The following ANK2 variants were observed in gnomAD, a reference collection of about 807,000 sequenced individuals.
ANK2 encodes ankyrin 2, also known as ankyrin-2.
A neutral mutation model predicts 360.5 loss-of-function variants in ANK2; 83 were observed. That is an observed-to-expected ratio of 0.23 (90% CI 0.19 to 0.28). ANK2 has a LOEUF of 0.28. ANK2 is among the 10% of genes least tolerant of loss of function. The pLI, the probability that ANK2 is intolerant of heterozygous loss-of-function variation, is 1.00. For synonymous variants in ANK2, 1,740 were observed against 1,759.5 expected, an observed-to-expected ratio of 0.99 and a Z score of 0.28; for missense variants, 4,201 against 4,795.7, an observed-to-expected ratio of 0.88 and a Z score of 3.66.
chr4:113,376,960 C>T (rs901573438), intron 45 of ANK2, among the ~76,000 whole-genome samples: 3 of 151,946 alleles, frequency 2.0e-5, no homozygotes, highest in Non-Finnish European at 2.9e-5. Context: ...GTTGTCATAT[C>T]CTAAGAAAAC....
chr4:113,352,747 G>T (rs1346928287), intron 37 of ANK2, among the ~76,000 whole-genome samples: 2 of 150,452 alleles, frequency 1.3e-5, no homozygotes, highest in Non-Finnish European at 3.0e-5. Flanking sequence ...GTGTTTTTTT[G>T]TGTGTGTATG....
At chr4:113,367,373 G>A (rs775764428) in intron 41 of ANK2, among the ~76,000 whole-genome samples, 193 bp from the exon 42 acceptor site, 3 of 151,976 alleles carry the variant, frequency 2.0e-5, no homozygotes, top group East Asian at 1.9e-4. Flanking sequence ...CGTTACTTGC[G>A]TGGACTCTTC....
chr4:112,740,040 T>G, the ANK2 span, among the ~76,000 whole-genome samples: 1 of 152,048 alleles, frequency 6.6e-6, no homozygotes. Flanking sequence ...AAATCTTTGT[T>G]GCAGGCGGGT....
chr4:113,226,501 G>T (rs2099224035), intron 4 of ANK2, among the ~76,000 whole-genome samples: 1 of 152,106 alleles, frequency 6.6e-6, no homozygotes, highest in Non-Finnish European at 1.5e-5. Context: ...TCCTTATCTA[G>T]TTGAATTATG....
At chr4:113,296,885 A>C (rs557109226) in intron 22 of ANK2, among the ~76,000 whole-genome samples, 2 of 152,284 alleles carry the variant, frequency 1.3e-5, no homozygotes, top group South Asian at 4.1e-4. Flanking sequence ...TATTTGTATA[A>C]TCTTAAAGTG....
At position 113,274,583 on chromosome 4, in the gene ANK2, G is replaced by A. The variant is rs2059579085; in HGVS notation, c.1617G>A (p.Arg539=). The A allele has an allele frequency of 6.2e-7, 1 of 1,614,212 alleles. No individual in the cohort carries two copies. Among genetic ancestry groups the A allele is most frequent in the East Asian group, 2.2e-5 (1 of 44,874 alleles). Residue 539 remains arginine, a synonymous_variant, in exon 15 of 46, where the codon CGG becomes CGA. Coordinates refer to ENST00000357077, the MANE Select transcript of ANK2 (RefSeq NM_001148.6). The part of the protein sequence containing the change: ...NGYTPLHISA[R]EGQVDVASVL... ...ACACACCACTGCACATCTCTGCCCGGGAGGGCCAGGTGGATGTGGCATCAG... is the reference window on the plus strand; with the variant it reads ...ACACACCACTGCACATCTCTGCCCGAGAGGGCCAGGTGGATGTGGCATCAG...
At chr4:113,213,497 G>A (rs2099048038) in intron 4 of ANK2, among the ~76,000 whole-genome samples, 1 of 152,106 alleles carries the variant, frequency 6.6e-6, no homozygotes, top group African/African-American at 2.4e-5. Context: ...CTTGAGAAGG[G>A]CTAATAGGTC....
chr4:113,356,387 A>C lies in ANK2; in HGVS notation c.7769A>C (p.Lys2590Thr). The change falls in exon 38 of 46, where the codon AAA becomes ACA. Residue 2590 changes from lysine to threonine, a missense_variant. By Grantham distance (78) the Lys-to-Thr change is moderately conservative (BLOSUM62 -1). Around this residue, in one of 4 missense-constraint regions of ANK2, gnomAD observed 2,642 missense variants for 2,714.5 expected, o/e 0.97. Coordinates refer to ENST00000357077, the MANE Select transcript of ANK2 (RefSeq NM_001148.6). ...KRFTPEEEMF[K>T]MVTKIKMFDE... The stretch of plus-strand genomic sequence containing the variant: ...TTCACACCTGAAGAGGAGATGTTTA[A>C]AATGGTAACCAAAATCAAAATGTTT... 1 of 1,614,190 alleles carries C rather than the reference A, an allele frequency of 6.2e-7. No individual in the cohort carries two copies. The highest frequency in any genetic ancestry group is 8.5e-7 in the Non-Finnish European group (1 of 1,180,004).
At chr4:113,327,182 A>G (rs1027025046) in intron 26 of ANK2, among the ~76,000 whole-genome samples, 2 of 152,004 alleles carry the variant, frequency 1.3e-5, no homozygotes, top group Non-Finnish European at 2.9e-5. Context: ...TATTATTTTG[A>G]TTTTCCCATC....
intron 4 of ANK2, among the ~76,000 whole-genome samples, chr4:113,218,099 G>T (rs2099107329): frequency 6.6e-6 from 1 of 152,132 alleles, no homozygotes; most frequent in African/African-American, 2.4e-5. Context: ...CTTTCATTGT[G>T]CTTAAATTGC....
rs376457094 is a variant in ANK2, at chr4:113,196,451, G to T, written c.270G>T (p.Val90=). The change falls in exon 3 of 46, where the codon GTG becomes GTT. Residue 90 remains valine, a synonymous_variant. Coordinates refer to ENST00000357077, the MANE Select transcript of ANK2 (RefSeq NM_001148.6). ...AGCTGCTGGGAAGAGGGTCCTCTGT[G>T]GATTCTGCCACTAAGGTAACATTTA... is the stretch of plus-strand genomic sequence containing the variant. ...VQELLGRGSS[V]DSATKKGNTA... 229 of 1,613,114 alleles carry T rather than the reference G, an allele frequency of 1.4e-4. 1 individual carries two copies. Among genetic ancestry groups the T allele is most frequent in the South Asian group, 4.2e-4 (38 of 90,714 alleles).
the ANK2 span, among the ~76,000 whole-genome samples, chr4:112,774,096 G>T: frequency 6.6e-6 from 1 of 152,016 alleles, no homozygotes; most frequent in South Asian, 2.1e-4. Context: ...CTCCCAAAGT[G>T]CTGGGATTAC....
At chr4:112,823,091 A>G (rs1460535202) in intron 1 of ANK2, among the ~76,000 whole-genome samples, 1 of 152,240 alleles carries the variant, frequency 6.6e-6, no homozygotes, top group Non-Finnish European at 1.5e-5. Context: ...TAGATAATTC[A>G]CCTGTGTTGA....
intron 2 of ANK2, among the ~76,000 whole-genome samples, chr4:112,935,107 C>T (rs940228991): frequency 2.8e-5 from 4 of 142,190 alleles, no homozygotes; most frequent in Admixed American, 6.9e-5. Context: ...GTGTAGGAAC[C>T]GAAGTCAGAG....
chr4:113,098,245 A>C (rs1258639995), intron 1 of ANK2, among the ~76,000 whole-genome samples: 1 of 151,984 alleles, frequency 6.6e-6, no homozygotes, highest in East Asian at 1.9e-4. Context: ...AAAACAATAG[A>C]GTAAAATCAA....
the ANK2 span, among the ~76,000 whole-genome samples, chr4:112,709,655 A>C: frequency 2.0e-5 from 3 of 152,218 alleles, no homozygotes; most frequent in Admixed American, 2.0e-4. Context: ...AGGTTGAGAC[A>C]GAAGAATTGC....
chr4:112,842,859 A>C (rs1198215742), intron 1 of ANK2, among the ~76,000 whole-genome samples: 5 of 152,228 alleles, frequency 3.3e-5, no homozygotes, highest in Non-Finnish European at 7.3e-5. Flanking sequence ...TTACAATTAG[A>C]GATCAGAAGT....
At chr4:113,223,383 G>C (rs373838143) in intron 4 of ANK2, among the ~76,000 whole-genome samples, 64 of 152,256 alleles carry the variant, frequency 4.2e-4, no homozygotes, top group African/African-American at 1.4e-3. Flanking sequence ...TACAAAATTT[G>C]AACCCAGATC....
Position 113,357,826 on chromosome 4 carries a change from A to G in ANK2, c.9208A>G (p.Met3070Val), listed in dbSNP as rs2095893623. 3.1e-6 allele frequency: 5 copies of G among 1,613,936 alleles called. No homozygotes were observed. The highest frequency in any genetic ancestry group is 2.2e-5 in the East Asian group (1 of 44,866). ...KEEEQKIFGL[M>V]VDRQSQGTTP... Reference sequence around the variant, plus strand: ...GGAAGAACAAAAGATATTTGGTTTGATGGTAGACAGACAATCACAGGGTAC... The same window carrying G: ...GGAAGAACAAAAGATATTTGGTTTGGTGGTAGACAGACAATCACAGGGTAC... The change falls in exon 38 of 46, where the codon ATG becomes GTG. Residue 3070 changes from methionine to valine, a missense_variant. Physicochemically the swap from Met to Val is conservative, Grantham distance 21. Transcript: ENST00000357077.
Sources: allele counts gnomAD v4.1 joint callset (sites outside exome capture counted in the v4.1 genomes callset), GRCh38; gene constraint gnomAD v4.1.1; regional missense constraint gnomAD v4.1.1; transcripts MANE v1.5; gene names NCBI Gene and HGNC (gene_info 2026-07-23, HGNC 2026-07-21).